Variants in CFAP95 observed in about 807,000 individuals in gnomAD.
CFAP95 encodes the protein cilia and flagella associated protein 95.
the CFAP95 span, among the ~76,000 whole-genome samples, chr9:69,839,970 A>C: frequency 4.0e-5 from 6 of 151,632 alleles, no homozygotes; most frequent in African/African-American, 1.5e-4. Context: ...CCAGCTATTC[A>C]GAGGGTTGAG....
chr9:69,838,051 G>C, the CFAP95 span, among the ~76,000 whole-genome samples: 10 of 152,292 alleles, frequency 6.6e-5, no homozygotes, highest in South Asian at 1.2e-3. Context: ...TAGATATGCA[G>C]CATTATTTCT....
the CFAP95 span, chr9:69,906,124 T>C: frequency 5.0e-6 from 8 of 1,597,568 alleles, no homozygotes; most frequent in African/African-American, 4.1e-5. Flanking sequence ...GTGGGCCTAT[T>C]GTGCCAATTT....
chr9:69,836,689 CTTTTTT>C, the CFAP95 span, among the ~76,000 whole-genome samples: 1 of 126,876 alleles, frequency 7.9e-6, no homozygotes, highest in Admixed American at 7.9e-5. Flanking sequence ...GCTTCAATTT[CTTTTTT>C]TTTTTTTTTT....
chr9:69,851,164 A>C, the CFAP95 span, among the ~76,000 whole-genome samples: 1 of 152,176 alleles, frequency 6.6e-6, no homozygotes, highest in East Asian at 1.9e-4. Context: ...TGTTATGTTG[A>C]ACAAACGAGA....
the CFAP95 span, chr9:69,820,979 A>C: frequency 6.2e-7 from 1 of 1,613,612 alleles, no homozygotes; most frequent in Non-Finnish European, 8.5e-7. Flanking sequence ...GGGCTCCCTG[A>C]CCCTCCGCTC....
chr9:69,885,678 G>A, the CFAP95 span, among the ~76,000 whole-genome samples: 3 of 152,158 alleles, frequency 2.0e-5, no homozygotes, highest in African/African-American at 7.2e-5. Flanking sequence ...TGTTTAATGG[G>A]GTGGAGGTTG....
chr9:69,897,598 T>C, the CFAP95 span, among the ~76,000 whole-genome samples: 1 of 152,084 alleles, frequency 6.6e-6, no homozygotes, highest in Non-Finnish European at 1.5e-5. Context: ...AACCAAGGAA[T>C]AGCCTACCAG....
At chr9:69,868,877 G>A in the CFAP95 span, among the ~76,000 whole-genome samples, 2 of 149,626 alleles carry the variant, frequency 1.3e-5, no homozygotes, top group African/African-American at 4.9e-5. Context: ...ACATACAAAT[G>A]GCCAACAGGT....
At chr9:69,889,108 C>T in the CFAP95 span, among the ~76,000 whole-genome samples, 2 of 152,120 alleles carry the variant, frequency 1.3e-5, no homozygotes, top group Non-Finnish European at 2.9e-5. Context: ...CTTGCTTCTA[C>T]CAGGCTCAGC....
chr9:69,900,364 A>G, the CFAP95 span, among the ~76,000 whole-genome samples: 1 of 152,200 alleles, frequency 6.6e-6, no homozygotes, highest in African/African-American at 2.4e-5. Flanking sequence ...GAAGAGAAGG[A>G]TGTGACTTAG....
chr9:69,855,826 A>AAAC, the CFAP95 span, among the ~76,000 whole-genome samples: 25 of 152,250 alleles, frequency 1.6e-4, no homozygotes, highest in Middle Eastern at 3.4e-3. Context: ...TCTCTTTAAA[A>AAAC]AACAACAACA....
the CFAP95 span, among the ~76,000 whole-genome samples, chr9:69,868,525 G>T: frequency 6.6e-6 from 1 of 151,972 alleles, no homozygotes; most frequent in African/African-American, 2.4e-5. Flanking sequence ...GGGCATGGTG[G>T]CACATGCCTG....
chr9:69,857,888 A>G, the CFAP95 span: 182 of 1,610,822 alleles, frequency 1.1e-4, no homozygotes, highest in Middle Eastern at 1.2e-3. Context: ...AGTTTTCTAA[A>G]AAAATGTTAT....
At chr9:69,843,585 C>G in the CFAP95 span, among the ~76,000 whole-genome samples, 3 of 50,544 alleles carry the variant, frequency 5.9e-5, no homozygotes, top group African/African-American at 3.5e-4. Flanking sequence ...TCTTCTTCTT[C>G]TTCTTCTTCT....
the CFAP95 span, among the ~76,000 whole-genome samples, chr9:69,855,388 A>G: frequency 7.7e-4 from 117 of 152,226 alleles, 1 homozygote; most frequent in Non-Finnish European, 1.5e-4. Context: ...TCTAAGCTTA[A>G]TTTTTTGGTC....
At chr9:69,851,224 C>T in the CFAP95 span, among the ~76,000 whole-genome samples, 3 of 152,148 alleles carry the variant, frequency 2.0e-5, no homozygotes, top group Admixed American at 6.6e-5. Flanking sequence ...CCCGCACGCA[C>T]AAACATGCAG....
chr9:69,856,466 C>A, the CFAP95 span: 2 of 649,626 alleles, frequency 3.1e-6, no homozygotes, highest in Non-Finnish European at 5.2e-6. Context: ...CAATTAAAAT[C>A]AGAATGTACT....
the CFAP95 span, among the ~76,000 whole-genome samples, chr9:69,830,323 G>A: frequency 7.2e-5 from 11 of 152,154 alleles, 1 homozygote; most frequent in Admixed American, 7.2e-4. Flanking sequence ...CAAGAGCAAC[G>A]AACAAGGAGG....
the CFAP95 span, among the ~76,000 whole-genome samples, chr9:69,860,777 AAC>A: frequency 6.6e-6 from 1 of 152,112 alleles, no homozygotes; most frequent in African/African-American, 2.4e-5. Flanking sequence ...CAAAGACACA[AAC>A]ACACACCTTA....
Sources: gnomAD v4.1 joint callset for allele counts (sites outside exome capture counted in the v4.1 genomes callset) on GRCh38, gnomAD v4.1.1 for gene constraint, MANE v1.5 for transcripts, NCBI Gene and HGNC (gene_info 2026-07-23, HGNC 2026-07-21) for gene names.